TIMP3: variants seen among roughly 807,000 people sequenced by gnomAD.
TIMP3 encodes the protein metalloproteinase inhibitor 3.
In TIMP3, 11 loss-of-function variants were observed where a neutral mutation model predicts 30.0. The ratio of observed to expected loss-of-function variants is 0.37; its 90% CI spans 0.23 to 0.61. The LOEUF is 0.61. Among genes scored for constraint, TIMP3 ranks in the 20% least tolerant of loss-of-function variants. The probability of loss-of-function intolerance (pLI) is 0.70; values close to 1 mark genes in which losing one functional copy is unlikely to be tolerated. For synonymous variants in TIMP3, 112 were observed against 111.3 expected (o/e 1.01, Z -0.04); for missense variants, 181 against 276.8 (o/e 0.65, Z 2.45).
chr22:32,814,248 G>A (rs13058430), intron 1 of TIMP3, among the ~76,000 whole-genome samples: 3 of 123,376 alleles, frequency 2.4e-5, no homozygotes, highest in African/African-American at 2.9e-5. Context: ...AAAGAAAGAA[G>A]GAAAGAAAGA....
At chr22:32,813,264 G>A (rs754359999) in intron 1 of TIMP3, among the ~76,000 whole-genome samples, 2 of 152,078 alleles carry the variant, frequency 1.3e-5, no homozygotes, top group Non-Finnish European at 2.9e-5. Context: ...AAAACAGTGG[G>A]CAAGTGTGAT....
chr22:32,838,179 A>G (rs1268231635), intron 1 of TIMP3, among the ~76,000 whole-genome samples: 1 of 152,188 alleles, frequency 6.6e-6, no homozygotes, highest in Non-Finnish European at 1.5e-5. Flanking sequence ...AGGATCTGAG[A>G]TGCATAGTTC....
At chr22:32,811,274 G>A (rs993867724) in intron 1 of TIMP3, among the ~76,000 whole-genome samples, 7 of 152,286 alleles carry the variant, frequency 4.6e-5, no homozygotes, top group Admixed American at 3.3e-4. Context: ...TGGAGAGGTC[G>A]CAAAATGGGT....
At chr22:32,858,671 T>C (rs1222404644) in intron 4 of TIMP3, among the ~76,000 whole-genome samples, 2 of 152,158 alleles carry the variant, frequency 1.3e-5, no homozygotes, top group African/African-American at 4.8e-5. Context: ...TCTCACTTCA[T>C]CTTCAAAACA....
chr22:32,859,685 G>C lies in TIMP3; in HGVS notation c.*308G>C. 23 of 332,172 alleles carry C rather than the reference G, an allele frequency of 6.9e-5. No individual in the cohort carries two copies. The highest frequency in any genetic ancestry group is 9.1e-4 in the Middle Eastern group (1 of 1,098). 20.6% of individuals were successfully genotyped at this position (332,172 alleles called of 1,614,324 possible). ...GATAATATAATCTCTATTTTTTTAG[G>C]AAAACAAAAATGAAAAACTACTCCA... On this transcript the variant is annotated 3_prime_UTR_variant, in exon 5 of 5. Coordinates refer to ENST00000266085, the MANE Select transcript of TIMP3 (RefSeq NM_000362.5).
chr22:32,834,179 T>C (rs1290027593), intron 1 of TIMP3, among the ~76,000 whole-genome samples: 1 of 148,228 alleles, frequency 6.7e-6, no homozygotes, highest in African/African-American at 2.5e-5. Flanking sequence ...TGAGATGGAG[T>C]CTCATTCTTC....
At chr22:32,820,782 G>T (rs1056325531) in intron 1 of TIMP3, among the ~76,000 whole-genome samples, 2 of 152,178 alleles carry the variant, frequency 1.3e-5, no homozygotes, top group Admixed American at 1.3e-4. Flanking sequence ...CTATTTGAAA[G>T]CCAAGTCAAC....
At chr22:32,806,815 C>T (rs915058361) in intron 1 of TIMP3, among the ~76,000 whole-genome samples, 2 of 152,074 alleles carry the variant, frequency 1.3e-5, no homozygotes, top group South Asian at 4.1e-4. Flanking sequence ...TATCTAAAAT[C>T]GGAGAAGAGT....
chr22:32,833,302 T>C (rs1489012535), intron 1 of TIMP3, among the ~76,000 whole-genome samples: 1 of 152,158 alleles, frequency 6.6e-6, no homozygotes, highest in Non-Finnish European at 1.5e-5. Flanking sequence ...TATGAAAATA[T>C]TTATCCTGGA....
At chr22:32,843,184 A>G (rs2047963032) in intron 1 of TIMP3, among the ~76,000 whole-genome samples, 1 of 152,136 alleles carries the variant, frequency 6.6e-6, no homozygotes, top group African/African-American at 2.4e-5. Flanking sequence ...AACAGTAGCC[A>G]CCTTACCAGC....
intron 1 of TIMP3, 101 bp downstream of exon 1, chr22:32,802,223 G>A: frequency 6.8e-7 from 1 of 1,470,928 alleles, no homozygotes; most frequent in Admixed American, 2.2e-5. Context: ...TCTGCCCCAG[G>A]AGAGGGGCAG....
At chr22:32,821,236 A>G (rs1229221067) in intron 1 of TIMP3, among the ~76,000 whole-genome samples, 1 of 152,180 alleles carries the variant, frequency 6.6e-6, no homozygotes, top group African/African-American at 2.4e-5. Flanking sequence ...TGGTTTTCCC[A>G]ATTGCAAAAT....
In TIMP3 at chr22:32,862,415, T is replaced by C. The variant is rs1249840496; in HGVS notation, c.*3038T>C. The stretch of plus-strand genomic sequence containing the variant: ...CCAGACCTGCCTCATGGTGGCAACA[T>C]GGTTCTTGAACAATTAAAGAAACAA... On this transcript the variant is annotated 3_prime_UTR_variant, in exon 5 of 5. Transcript: ENST00000266085. 6.6e-6 allele frequency: 1 copy of C among 152,276 alleles called. No individual in the cohort carries two copies. The highest frequency in any genetic ancestry group is 2.4e-5 in the African/African-American group (1 of 41,464). 9.4% of individuals were successfully genotyped at this position (152,276 alleles called of 1,614,324 possible). A position where few individuals can be genotyped will look rare whatever the true frequency, so the allele number is the denominator to read the frequency against.
chr22:32,801,989 G>A lies in TIMP3; in HGVS notation c.-13G>A. 6.3e-7 allele frequency: 1 copy of A among 1,582,656 alleles called. No individual in the cohort carries two copies. Among genetic ancestry groups the A allele is most frequent in the Non-Finnish European group, 8.5e-7 (1 of 1,171,268 alleles). On this transcript the variant is annotated 5_prime_UTR_variant, in exon 1 of 5. Transcript: ENST00000266085. The surrounding 1 kb of genome is among the most constrained non-coding windows in gnomAD (Gnocchi z 4.7). ...GGCGAGCAGCAGCCCCGGCAGCGGCGGCAGCAGCGGCAATGACCCCTTGGC... is the reference window on the plus strand; with the variant it reads ...GGCGAGCAGCAGCCCCGGCAGCGGCAGCAGCAGCGGCAATGACCCCTTGGC...
rs141037178 is a variant in TIMP3, at chr22:32,805,043, G to A, written c.121+2921G>A. On this transcript the variant is annotated intron_variant, in intron 1 of 4. Transcript: ENST00000266085. ...CGTGTGTGCGTGTGTGTGTGTGTGCGCGTGTGTGGCTTCTGCAAAGGTGGC... is the reference window on the plus strand; with the variant it reads ...CGTGTGTGCGTGTGTGTGTGTGTGCACGTGTGTGGCTTCTGCAAAGGTGGC... Among the ~76,000 whole-genome samples the A allele has an allele frequency of 4.1e-4, 62 of 152,170 alleles. No homozygotes were observed. The East Asian group carries it at 9.3e-3, about 23-fold the overall frequency.
rs145553035 is a variant in TIMP3 at position 32,858,021 on chromosome 22, C to T, written c.321C>T (p.Arg107=). Reference sequence around the variant, plus strand: ...TTTTCTTCTTTCCTCCTGTAGGTCGCGTCTATGATGGCAAGATGTACACGG... The same window carrying T: ...TTTTCTTCTTTCCTCCTGTAGGTCGTGTCTATGATGGCAAGATGTACACGG... ...VNKYQYLLTG[R]VYDGKMYTGL... The change falls in exon 4 of 5, where the codon CGC becomes CGT. Residue 107 remains arginine (R), a synonymous_variant. Coordinates refer to ENST00000266085, the MANE Select transcript of TIMP3 (RefSeq NM_000362.5). The T allele has an allele frequency of 2.1e-5, 34 of 1,614,024 alleles. No individual in the cohort carries two copies. In the East Asian group the frequency reaches 2.9e-4, roughly 14 times the overall value.
rs1281380760 is a variant in TIMP3 at position 32,862,126 on chromosome 22, T to C, written c.*2749T>C. 2.6e-5 allele frequency: 4 copies of C among 152,322 alleles called. No homozygotes were observed. Among genetic ancestry groups the C allele is most frequent in the Non-Finnish European group, 5.9e-5 (4 of 68,000 alleles). The allele number at this position is 152,322 out of a possible 1,614,324, so 9.4% of individuals were successfully genotyped here. On this transcript the variant is annotated 3_prime_UTR_variant, in exon 5 of 5. Transcript: ENST00000266085. ...AAAGTTTAAACTACATTCATGTTCTTGTTCTGTGTCACTCGGCCCTGGGTA... is the reference window on the plus strand; with the variant it reads ...AAAGTTTAAACTACATTCATGTTCTCGTTCTGTGTCACTCGGCCCTGGGTA...
chr22:32,816,963 A>G (rs1256185779), intron 1 of TIMP3, among the ~76,000 whole-genome samples: 1 of 152,104 alleles, frequency 6.6e-6, no homozygotes, highest in Non-Finnish European at 1.5e-5. Flanking sequence ...GCTCACGCAT[A>G]TAACCCCACC....
intron 1 of TIMP3, among the ~76,000 whole-genome samples, chr22:32,806,794 A>G (rs917688640): frequency 6.6e-6 from 1 of 152,136 alleles, no homozygotes. Context: ...TCATCTATCT[A>G]TCTATCTCTC....
Sources: gnomAD v4.1 joint callset for allele counts (sites outside exome capture counted in the v4.1 genomes callset) on GRCh38, gnomAD v4.1.1 for gene constraint, Gnocchi (gnomAD v3.1) non-coding constraint, MANE v1.5 for transcripts, NCBI Gene and HGNC (gene_info 2026-07-23, HGNC 2026-07-21) for gene names.